The following CASK variants were observed in gnomAD, a reference collection of about 807,000 sequenced individuals.
CASK encodes the protein peripheral plasma membrane protein CASK.
A neutral mutation model predicts 82.9 loss-of-function variants in CASK; 4 were observed. The observed-to-expected ratio is 0.05, with a 90% confidence interval of 0.02 to 0.11. CASK has a LOEUF of 0.11. CASK is among the 10% of genes least tolerant of loss of function. CASK has a pLI of 1.00. For missense variants in CASK, 358 were observed against 720.9 expected, an observed-to-expected ratio of 0.50 and a Z score of 5.76; for synonymous variants, 259 against 253.5, an observed-to-expected ratio of 1.02 and a Z score of -0.20.
At chrX:41,758,004 C>A in intron 3 of CASK, among the ~76,000 whole-genome samples, 1 of 112,557 alleles carries the variant, frequency 8.9e-6, no homozygotes. Context: ...CCCATCTAAA[C>A]TACTCCGTAT....
At chrX:41,701,596 A>G (rs2067793625) in intron 5 of CASK, among the ~76,000 whole-genome samples, 1 of 112,379 alleles carries the variant, frequency 8.9e-6, no homozygotes, top group Non-Finnish European at 1.9e-5. Context: ...TGTCATAGCT[A>G]CATGGCCCAG....
Position 41,846,742 on chromosome X carries a change from A to T in CASK, c.172+6373T>A, listed in dbSNP as rs1025581109. Among the ~76,000 whole-genome samples, 3 of 111,717 alleles carry T rather than the reference A, an allele frequency of 2.7e-5. No individual in the cohort carries two copies. The Admixed American group carries it at 2.8e-4, about 11-fold the overall frequency. On this transcript the variant is annotated intron_variant, in intron 2 of 26. Coordinates refer to ENST00000378163, the MANE Select transcript of CASK (RefSeq NM_001367721.1). Reference sequence around the variant, plus strand: ...CCTACTATGTACCCATAAACATTAAAAATTAAAAAAATAAGTTTTCCTTTT... The same window carrying T: ...CCTACTATGTACCCATAAACATTAATAATTAAAAAAATAAGTTTTCCTTTT...
chrX:41,690,656 C>T (rs1011981732), intron 5 of CASK, among the ~76,000 whole-genome samples: 9 of 106,315 alleles, frequency 8.5e-5, no homozygotes, highest in South Asian at 4.3e-4. Context: ...CCACTGCTCC[C>T]GGCCAATTTT....
intron 14 of CASK, among the ~76,000 whole-genome samples, chrX:41,582,604 T>G (rs913319322): frequency 6.2e-5 from 7 of 112,101 alleles, no homozygotes; most frequent in Non-Finnish European, 1.3e-4. Flanking sequence ...TGAGCCACCA[T>G]GCCTGGCCTT....
At chrX:41,726,831 G>A (rs1012436295) in intron 5 of CASK, 7 of 294,303 alleles carry the variant, frequency 2.4e-5, no homozygotes, top group Non-Finnish European at 4.1e-5. Context: ...CCGGACAATC[G>A]TGATTAGAAA....
chrX:41,837,556 T>G (rs2147940252), intron 2 of CASK, among the ~76,000 whole-genome samples: 1 of 112,254 alleles, frequency 8.9e-6, no homozygotes, highest in South Asian at 3.7e-4. Context: ...GTTCTATAAT[T>G]TTATCACTTT....
chrX:41,727,322 T>C, intron 5 of CASK: 2 of 1,207,083 alleles, frequency 1.7e-6, no homozygotes, highest in Non-Finnish European at 2.2e-6. Flanking sequence ...ACTCTATCCA[T>C]GCATGCAAGT....
intron 8 of CASK, among the ~76,000 whole-genome samples, chrX:41,647,181 C>A (rs1027030144): frequency 3.6e-5 from 4 of 112,217 alleles, no homozygotes; most frequent in African/African-American, 9.7e-5. Context: ...TGTTATTTGG[C>A]TTAGAGATCA....
rs1359575841 is a variant in CASK at position 41,583,602 on chromosome X, A to AT, written c.1314+3304dup. On this transcript the variant is annotated intron_variant, in intron 14 of 26. Transcript: ENST00000378163. ...CAGGTGTGTGCTACCACGCCAGGCT[A>AT]TTTTTTTTTTTTTTTTGTATTTTTA... is the stretch of plus-strand genomic sequence containing the variant. 9.2e-3 allele frequency among the ~76,000 whole-genome samples: 832 copies of AT among 90,503 alleles called. 6 individuals carry two copies. Among genetic ancestry groups the AT allele is most frequent in the African/African-American group, 0.026 (645 of 24,747 alleles). The allele number at this position is 90,503 out of a possible 115,157, so 78.6% of individuals were successfully genotyped here.
At chrX:41,602,719 C>CT (rs34064822) in intron 12 of CASK, among the ~76,000 whole-genome samples, 1,712 of 75,093 alleles carry the variant, frequency 0.023, 18 homozygotes, top group Non-Finnish European at 0.029. Flanking sequence ...TGCTTAGCGG[C>CT]TTTTTTTTTT....
chrX:41,560,760 G>A (rs1460449082), intron 17 of CASK, among the ~76,000 whole-genome samples: 1 of 107,077 alleles, frequency 9.3e-6, no homozygotes, highest in Non-Finnish European at 1.9e-5. Flanking sequence ...GTGTGGTAGC[G>A]CATGCCTGTA....
chrX:41,555,563 C>A, intron 20 of CASK, 37 bp downstream of exon 20: 1 of 1,090,513 alleles, frequency 9.2e-7, no homozygotes, highest in South Asian at 1.8e-5. Flanking sequence ...ATTAGCTGCT[C>A]AGTTTAGAGA....
intron 1 of CASK, among the ~76,000 whole-genome samples, chrX:41,863,491 C>G (rs1032218908): frequency 2.7e-5 from 3 of 112,272 alleles, no homozygotes; most frequent in Non-Finnish European, 5.6e-5. Context: ...TAAAGGCAAG[C>G]TCTTAAGGTA....
At chrX:41,886,102 A>G (rs2072042825) in intron 1 of CASK, among the ~76,000 whole-genome samples, 1 of 111,954 alleles carries the variant, frequency 8.9e-6, no homozygotes, top group African/African-American at 3.2e-5. Flanking sequence ...TGCTGTTACA[A>G]TAGTGAATAA....
intron 12 of CASK, among the ~76,000 whole-genome samples, chrX:41,592,175 C>T (rs932811952): frequency 1.9e-5 from 2 of 104,077 alleles, no homozygotes; most frequent in Non-Finnish European, 3.9e-5. Context: ...GAGCTATGAT[C>T]GCATCACTGC....
intron 1 of CASK, 46 bp downstream of exon 1, chrX:41,922,884 T>C: frequency 8.6e-7 from 1 of 1,163,412 alleles, no homozygotes; most frequent in Non-Finnish European, 1.2e-6. Flanking sequence ...GGGGCATCAC[T>C]GAAATGCATT....
At chrX:41,882,364 T>C (rs1261634641) in intron 1 of CASK, among the ~76,000 whole-genome samples, 2 of 111,592 alleles carry the variant, frequency 1.8e-5, no homozygotes, top group Admixed American at 9.6e-5. Flanking sequence ...CACTACAACA[T>C]ATTAAGTTAA....
chrX:41,753,861 G>A (rs778215359), intron 3 of CASK, among the ~76,000 whole-genome samples: 1 of 111,845 alleles, frequency 8.9e-6, no homozygotes. Flanking sequence ...ACTCCAACCT[G>A]GGCTATGGAG....
chrX:41,635,674 T>A, intron 9 of CASK: 1 of 108,230 alleles, frequency 9.2e-6, no homozygotes, highest in African/African-American at 3.3e-5. Flanking sequence ...ACTCCCCATA[T>A]GGGGTGATTA....
Sources: gnomAD v4.1 joint callset for allele counts (sites outside exome capture counted in the v4.1 genomes callset) on GRCh38, gnomAD v4.1.1 for gene constraint, MANE v1.5 for transcripts, NCBI Gene and HGNC (gene_info 2026-07-23, HGNC 2026-07-21) for gene names.